The following DLC1 variants were observed in gnomAD, a reference collection of about 807,000 sequenced individuals.
The protein encoded by DLC1 is DLC1 Rho GTPase activating protein.
DLC1 carries 54 observed loss-of-function variants against 140.3 expected under a neutral mutation model. The observed-to-expected ratio is 0.38, with a 90% CI of 0.31 to 0.48. DLC1 has a LOEUF of 0.48. Among genes scored for constraint, DLC1 ranks in the 20% least tolerant of loss-of-function variants. The probability of loss-of-function intolerance (pLI) is 0.96; values close to 1 mark genes in which losing one functional copy is unlikely to be tolerated. For missense variants in DLC1, 2,536 were observed against 1,907.0 expected (o/e 1.33, Z -6.14); for synonymous variants, 986 against 728.1 (o/e 1.35, Z -5.70).
At chr8:13,372,936 G>A (rs117447519) in intron 4 of DLC1, among the ~76,000 whole-genome samples, 2,248 of 152,268 alleles carry the variant, frequency 0.015, 36 homozygotes, top group South Asian at 0.053. Flanking sequence ...TCCACCAGGG[G>A]TTGGCTCAGA....
Position 13,100,328 on chromosome 8 carries a change from C to T in DLC1, c.2009G>A (p.Arg670Gln), listed in dbSNP as rs574001055. Reference protein sequence around the residue: ...AKSKTRSLLKRMESLKLKSSH... With the variant: ...AKSKTRSLLKQMESLKLKSSH... Reference sequence around the variant, plus strand: ...GCTCTTGAGCTTCAGGCTCTCCATCCGTTTCAGCAGACTGCGCGTCTTGGA... The same window carrying T: ...GCTCTTGAGCTTCAGGCTCTCCATCTGTTTCAGCAGACTGCGCGTCTTGGA... Residue 670 changes from arginine to glutamine, a missense_variant, in exon 9 of 18, where the codon CGG (arginine) becomes CAG (glutamine). Physicochemically the swap from Arg to Gln is conservative, Grantham distance 43 (BLOSUM62 1). Transcript: ENST00000276297. The T allele has an allele frequency of 5.6e-6, 9 of 1,614,164 alleles. No homozygotes were observed. Among genetic ancestry groups the T allele is most frequent in the East Asian group, 2.2e-5 (1 of 44,862 alleles).
intron 5 of DLC1, among the ~76,000 whole-genome samples, chr8:13,171,558 T>C (rs982249998): frequency 7.9e-5 from 12 of 152,038 alleles, no homozygotes; most frequent in African/African-American, 2.9e-4. Context: ...GCCCCACTAA[T>C]TTTTTATTTT....
At chr8:13,227,804 A>G (rs545287306) in intron 5 of DLC1, among the ~76,000 whole-genome samples, 2 of 152,304 alleles carry the variant, frequency 1.3e-5, no homozygotes, top group South Asian at 4.1e-4. Context: ...TTCATCTCAC[A>G]TTTGGGCATC....
At chr8:13,246,867 A>G (rs1196569922) in intron 5 of DLC1, among the ~76,000 whole-genome samples, 3 of 152,136 alleles carry the variant, frequency 2.0e-5, no homozygotes, top group Admixed American at 1.3e-4. Context: ...CATAAGGCCA[A>G]TGCACCCCAT....
intron 2 of DLC1, among the ~76,000 whole-genome samples, chr8:13,482,907 C>A (rs1800800258): frequency 1.3e-5 from 2 of 152,340 alleles, no homozygotes; most frequent in South Asian, 4.1e-4. Flanking sequence ...AAGGAATTTA[C>A]AGTTTGAATT....
At chr8:13,241,383 A>G (rs1430251588) in intron 5 of DLC1, among the ~76,000 whole-genome samples, 1 of 152,188 alleles carries the variant, frequency 6.6e-6, no homozygotes, top group African/African-American at 2.4e-5. Context: ...AAGTTTTCCC[A>G]TGCTAACATT....
At chr8:13,586,950 A>G (rs1379338990) in intron 1 of DLC1, among the ~76,000 whole-genome samples, 2 of 152,112 alleles carry the variant, frequency 1.3e-5, no homozygotes, top group Non-Finnish European at 2.9e-5. Context: ...CCTCAATATA[A>G]TAATACATGG....
At chr8:13,377,207 A>G (rs766937758) in intron 4 of DLC1, among the ~76,000 whole-genome samples, 1 of 152,206 alleles carries the variant, frequency 6.6e-6, no homozygotes, top group South Asian at 2.1e-4. Flanking sequence ...TGGTTAGCAT[A>G]AAGACTGACA....
In DLC1 at chr8:13,090,233, C is replaced by T. The variant is rs1817931305; in HGVS notation, c.4074+19G>A. The T allele has an allele frequency of 5.6e-6, 9 of 1,608,478 alleles. No individual in the cohort carries two copies. The highest frequency in any genetic ancestry group is 6.8e-6 in the Non-Finnish European group (8 of 1,177,336). ...TCGACTCCTGGACTCAACTAGCCGA[C>T]AACAGGGTGAAGCCTTACCTTCTTA... On this transcript the variant is annotated intron_variant, in intron 15 of 17. Transcript: ENST00000276297.
chr8:13,459,299 G>A (rs1009246829), intron 2 of DLC1, among the ~76,000 whole-genome samples: 1 of 152,126 alleles, frequency 6.6e-6, no homozygotes, highest in African/African-American at 2.4e-5. Flanking sequence ...TCTGGGACAG[G>A]AAGTGGAGGG....
At chr8:13,510,995 G>A (rs927120693) in intron 1 of DLC1, among the ~76,000 whole-genome samples, 47 of 148,828 alleles carry the variant, frequency 3.2e-4, no homozygotes, top group African/African-American at 1.1e-3. Flanking sequence ...TTTTTCCTTC[G>A]CTTTTCCTTC....
chr8:13,121,209 T>A (rs1821029407), intron 5 of DLC1, among the ~76,000 whole-genome samples: 1 of 152,200 alleles, frequency 6.6e-6, no homozygotes, highest in East Asian at 1.9e-4. Flanking sequence ...GAAAAGTTGA[T>A]GCTTTTATTG....
At chr8:13,086,555 G>T in intron 16 of DLC1, 92 bp from the exon 17 acceptor site, 1 of 1,465,556 alleles carries the variant, frequency 6.8e-7, no homozygotes, top group Non-Finnish European at 9.3e-7. Context: ...GCAGTGTGGT[G>T]ACGGGTCAGG....
intron 4 of DLC1, among the ~76,000 whole-genome samples, chr8:13,381,273 G>T (rs1836238682): frequency 6.6e-6 from 1 of 152,186 alleles, no homozygotes; most frequent in Non-Finnish European, 1.5e-5. Context: ...AGAAGCCTCA[G>T]CCGGGAGAAG....
chr8:13,414,638 A>G (rs776937653), intron 2 of DLC1, among the ~76,000 whole-genome samples: 10 of 152,228 alleles, frequency 6.6e-5, no homozygotes, highest in Admixed American at 2.0e-4. Context: ...ATGGGACTCT[A>G]TATGGAAAAG....
At chr8:13,095,599 T>C (rs500501) in intron 10 of DLC1, 20,902 of 233,286 alleles carry the variant, frequency 0.09, 1,631 homozygotes, top group African/African-American at 0.24. Flanking sequence ...ACCTGGAGAA[T>C]TGGGGTCTAC....
intron 5 of DLC1, among the ~76,000 whole-genome samples, chr8:13,237,193 A>ATGTGTGTG (rs1234020002): frequency 1.8e-5 from 2 of 111,436 alleles, no homozygotes; most frequent in African/African-American, 6.8e-5. Context: ...GTATATATAT[A>ATGTGTGTG]TATATGTGTG....
chr8:13,100,102 G>A lies in DLC1; in HGVS notation c.2235C>T (p.Ser745=), dbSNP rs758704546. The A allele has an allele frequency of 4.3e-5, 69 of 1,603,170 alleles. No individual in the cohort carries two copies. The highest frequency in any genetic ancestry group is 5.3e-5 in the Non-Finnish European group (62 of 1,174,904). The part of the protein sequence containing the change: ...SNSTQTSSSS[S]QSETSSAVST... Reference sequence around the variant, plus strand: ...TGACCGCGCTGCTGGTCTCCGACTGGCTGCTGCTGCTGCTGGTCTGCGTGG... The same window carrying A: ...TGACCGCGCTGCTGGTCTCCGACTGACTGCTGCTGCTGCTGGTCTGCGTGG... Residue 745 remains serine, a synonymous_variant, in exon 9 of 18, where the codon AGC becomes AGT. Transcript: ENST00000276297.
chr8:13,094,821 C>A lies in DLC1; in HGVS notation c.3464G>T (p.Arg1155Leu). 1.2e-6 allele frequency: 2 copies of A among 1,614,160 alleles called. No homozygotes were observed. The highest frequency in any genetic ancestry group is 1.7e-6 in the Non-Finnish European group (2 of 1,180,032). The change falls in exon 12 of 18, where the codon CGA (arginine) becomes CTA (leucine). Residue 1155 changes from arginine (R) to leucine (L), a missense_variant. Coordinates refer to ENST00000276297, the MANE Select transcript of DLC1 (RefSeq NM_182643.3). ...DVADMLKQYF[R>L]DLPEPLMTNK... ...CGTCATTAGTGGCTCAGGAAGATCT[C>A]GAAAATACTGCTTCAGCATGTCTGC...
Sources: allele counts gnomAD v4.1 joint callset (sites outside exome capture counted in the v4.1 genomes callset), GRCh38; gene constraint gnomAD v4.1.1; transcripts MANE v1.5; gene names NCBI Gene and HGNC (gene_info 2026-07-23, HGNC 2026-07-21).